Variants in CCDC186 observed in about 807,000 individuals in gnomAD.
CCDC186 encodes the protein coiled-coil domain-containing protein 186.
A neutral mutation model predicts 113.7 loss-of-function variants in CCDC186; 49 were observed. The observed-to-expected ratio is 0.43, with a 90% CI of 0.34 to 0.55. The LOEUF (loss-of-function observed/expected upper bound fraction) is 0.55. CCDC186 is among the 20% of genes least tolerant of loss of function. The pLI is 0.02. For missense variants in CCDC186, 890 were observed against 1,011.1 expected (o/e 0.88, Z 1.62); for synonymous variants, 355 against 345.8 (o/e 1.03, Z -0.30).
chr10:114,131,012 T>C (rs2031069182), intron 12 of CCDC186, 135 bp downstream of exon 12: 2 of 669,250 alleles, frequency 3.0e-6, no homozygotes, highest in Non-Finnish European at 4.5e-6. Context: ...TCCAAGAAGT[T>C]TAACAATTTG....
rs2031293198 is a variant in CCDC186 at position 114,137,218 on chromosome 10, T to A, written c.1294A>T (p.Lys432Ter). The A allele has an allele frequency of 6.2e-7, 1 of 1,613,592 alleles. No homozygotes were observed. Among genetic ancestry groups the A allele is most frequent in the Non-Finnish European group, 8.5e-7 (1 of 1,179,846 alleles). ...QAKEEADQIR[K>*]NCQDMIKTYQ... ...GTTTTTATCATATCCTGACAGTTTT[T>A]TCGTATCTGATCTGCTTCTTCCTTT... Residue 432 changes from lysine to a stop codon, truncating the protein, a stop_gained, in exon 7 of 16, where the codon AAA (lysine) becomes TAA (stop). Coordinates refer to ENST00000369287, the MANE Select transcript of CCDC186 (RefSeq NM_018017.4). LOFTEE classifies it high-confidence loss of function.
At position 114,124,024 on chromosome 10, in the gene CCDC186, T is replaced by C. The variant is rs891853868; in HGVS notation, c.*1119A>G. 4 of 152,198 alleles carry C rather than the reference T, an allele frequency of 2.6e-5. No homozygotes were observed. The highest frequency in any genetic ancestry group is 9.7e-5 in the African/African-American group (4 of 41,442). 9.4% of individuals were successfully genotyped at this position (152,198 alleles called of 1,614,324 possible). On this transcript the variant is annotated 3_prime_UTR_variant, in exon 16 of 16. Transcript: ENST00000369287. ...ACCATGCCTGGATAATCTTTTAAAA[T>C]TTCTTTGTAGAGATGGGGGTCTCGC...
rs2030773078 is a variant in CCDC186 at position 114,122,877 on chromosome 10, A to G, written c.*2266T>C. 1 of 152,178 alleles carries G rather than the reference A, an allele frequency of 6.6e-6. No individual in the cohort carries two copies. The highest frequency in any genetic ancestry group is 6.5e-5 in the Admixed American group (1 of 15,274). The allele number at this position is 152,178 out of a possible 1,614,324, so 9.4% of individuals were successfully genotyped here. A position where few individuals can be genotyped will look rare whatever the true frequency, so the allele number is the denominator to read the frequency against. On this transcript the variant is annotated 3_prime_UTR_variant, in exon 16 of 16. Transcript: ENST00000369287. ...GCAAAACAGGTAATAGAGTCAAAAT[A>G]TTGTTTGTAATACTTTTCTTCTAAA...
chr10:114,174,173 A>G lies in CCDC186; in HGVS notation c.-220T>C, dbSNP rs2032630192. On this transcript the variant is annotated 5_prime_UTR_variant, in exon 1 of 16. Coordinates refer to ENST00000369287, the MANE Select transcript of CCDC186 (RefSeq NM_018017.4). Reference sequence around the variant, plus strand: ...CCTCACTCAGCGGCCGTTTCCCCAAACCCCTGCGGAGCTGACACATCAACA... The same window carrying G: ...CCTCACTCAGCGGCCGTTTCCCCAAGCCCCTGCGGAGCTGACACATCAACA... The G allele has an allele frequency of 2.2e-6, 1 of 460,552 alleles. No individual in the cohort carries two copies. Among genetic ancestry groups the G allele is most frequent in the Admixed American group, 2.4e-5 (1 of 41,424 alleles). 28.5% of individuals were successfully genotyped at this position (460,552 alleles called of 1,614,324 possible). A position where few individuals can be genotyped will look rare whatever the true frequency, so the allele number is the denominator to read the frequency against.
At chr10:114,163,369 C>T in intron 1 of CCDC186, 40 bp from the exon 2 acceptor site, 1 of 1,486,222 alleles carries the variant, frequency 6.7e-7, no homozygotes, top group Non-Finnish European at 8.9e-7. Flanking sequence ...CCACTTTAAA[C>T]CAAAACCCCA....
intron 3 of CCDC186, 117 bp downstream of exon 3, chr10:114,157,437 C>T: frequency 1.1e-6 from 1 of 908,292 alleles, no homozygotes; most frequent in Non-Finnish European, 1.6e-6. Flanking sequence ...AGTAATCCGC[C>T]CACCTTGGCC....
intron 8 of CCDC186, 78 bp downstream of exon 8, chr10:114,136,070 G>C: frequency 6.7e-7 from 1 of 1,496,834 alleles, no homozygotes; most frequent in Non-Finnish European, 9.3e-7. Context: ...CTTAAAAGTA[G>C]ATAGCAATAA....
Position 114,157,606 on chromosome 10 carries a change from T to C in CCDC186, c.707A>G (p.Glu236Gly), listed in dbSNP as rs111382951. 6.2e-7 allele frequency: 1 copy of C among 1,611,466 alleles called. No homozygotes were observed. Among genetic ancestry groups the C allele is most frequent in the Admixed American group, 1.7e-5 (1 of 59,656 alleles). Residue 236 changes from glutamate to glycine, a missense_variant, in exon 3 of 16, where the codon GAA becomes GGA. Coordinates refer to ENST00000369287, the MANE Select transcript of CCDC186 (RefSeq NM_018017.4). The part of the protein sequence containing the change: ...ICSEKDNLRE[E>G]LKKRTETEKQ... ...CTCAGTTTCTGTTCTTTTCTTTAGT[T>C]CTTCTCTTAAATTGTCTTTTTCTGA...
At position 114,123,330 on chromosome 10, in the gene CCDC186, T is replaced by C. The variant is rs1340597493; in HGVS notation, c.*1813A>G. ...TTGAACATATATTTTCATTTTGAAG[T>C]GAAAAGATATTTTTTTTGGGATAAC... is the stretch of plus-strand genomic sequence containing the variant. On this transcript the variant is annotated 3_prime_UTR_variant, in exon 16 of 16. Coordinates refer to ENST00000369287, the MANE Select transcript of CCDC186 (RefSeq NM_018017.4). The C allele has an allele frequency of 6.6e-6, 1 of 152,508 alleles. No homozygotes were observed. Among genetic ancestry groups the C allele is most frequent in the African/African-American group, 2.4e-5 (1 of 41,458 alleles). The allele number at this position is 152,508 out of a possible 1,614,324, so 9.4% of individuals were successfully genotyped here. A position where few individuals can be genotyped will look rare whatever the true frequency, so the allele number is the denominator to read the frequency against.
chr10:114,125,120 CT>C lies in CCDC186; in HGVS notation c.*22del. 6.4e-7 allele frequency: 1 copy of C among 1,568,950 alleles called. No homozygotes were observed. Among genetic ancestry groups the C allele is most frequent in the Non-Finnish European group, 8.7e-7 (1 of 1,152,232 alleles). On this transcript the variant is annotated 3_prime_UTR_variant, in exon 16 of 16. Coordinates refer to ENST00000369287, the MANE Select transcript of CCDC186 (RefSeq NM_018017.4). ...ACCTACTCCTGTGTGGCTTTTGTCT[CT>C]TTACTGAGCAAGAGGCTTGTTTTAG...
rs755668372 is a variant in CCDC186 at position 114,163,344 on chromosome 10, C to T, written c.-61-15G>A. 1.1e-5 allele frequency: 17 copies of T among 1,524,292 alleles called. No individual in the cohort carries two copies. In the South Asian group the frequency reaches 2.2e-4, roughly 19 times the overall value. 94.4% of individuals were successfully genotyped at this position (1,524,292 alleles called of 1,614,324 possible). On this transcript the variant is annotated splice_polypyrimidine_tract_variant and intron_variant, in intron 1 of 15. Coordinates refer to ENST00000369287, the MANE Select transcript of CCDC186 (RefSeq NM_018017.4). Reference sequence around the variant, plus strand: ...TCGTTTTACATCTAAGAAATTGAAACATCAAAATTAAAAACCACTTTAAAC... The same window carrying T: ...TCGTTTTACATCTAAGAAATTGAAATATCAAAATTAAAAACCACTTTAAAC...
chr10:114,132,196 A>G lies in CCDC186; in HGVS notation c.1656-12T>C. On this transcript the variant is annotated splice_polypyrimidine_tract_variant and intron_variant, in intron 10 of 15. Transcript: ENST00000369287. ...TTTCTTGCTTACCTCTAAAACACAA[A>G]ATTTATATTTAAGAAAAAATAAACC... 6.6e-7 allele frequency: 1 copy of G among 1,513,180 alleles called. No individual in the cohort carries two copies. The highest frequency in any genetic ancestry group is 8.9e-7 in the Non-Finnish European group (1 of 1,117,876). The allele number at this position is 1,513,180 out of a possible 1,614,324, so 93.7% of individuals were successfully genotyped here. A position where few individuals can be genotyped will look rare whatever the true frequency, so the allele number is the denominator to read the frequency against.
chr10:114,136,157 G>C lies in CCDC186; in HGVS notation c.1416C>G (p.Asp472Glu), dbSNP rs2031254015. The C allele has an allele frequency of 1.2e-6, 2 of 1,611,716 alleles. No homozygotes were observed. The highest frequency in any genetic ancestry group is 1.7e-6 in the Non-Finnish European group (2 of 1,178,690). Reference sequence around the variant, plus strand: ...GAGCAAAACTACTCACCTCTAGCTGGTCAGATTTTTCTTGCATTTGTTTTT... The same window carrying C: ...GAGCAAAACTACTCACCTCTAGCTGCTCAGATTTTTCTTGCATTTGTTTTT... Reference protein sequence around the residue: ...ELEKQMQEKSDQLEMHHAKIK... With the variant: ...ELEKQMQEKSEQLEMHHAKIK... Residue 472 changes from aspartate (D) to glutamate (E), a missense_variant, in exon 8 of 16, where the codon GAC becomes GAG. Coordinates refer to ENST00000369287, the MANE Select transcript of CCDC186 (RefSeq NM_018017.4).
intron 1 of CCDC186, among the ~76,000 whole-genome samples, chr10:114,171,636 T>A (rs886453021): frequency 1.3e-5 from 2 of 152,136 alleles, no homozygotes; most frequent in African/African-American, 2.4e-5. Flanking sequence ...AAAGTTTGGG[T>A]TAATGTTTAA....
At chr10:114,171,545 T>A (rs576408162) in intron 1 of CCDC186, among the ~76,000 whole-genome samples, 27 of 152,258 alleles carry the variant, frequency 1.8e-4, no homozygotes, top group African/African-American at 6.3e-4. Context: ...ATTGAGATCT[T>A]GTCTCAAAAA....
chr10:114,133,519 A>G (rs968687662), intron 10 of CCDC186, among the ~76,000 whole-genome samples: 15 of 152,352 alleles, frequency 9.8e-5, no homozygotes, highest in South Asian at 2.1e-4. Context: ...GGGATCACCC[A>G]AAGTTACAAT....
intron 1 of CCDC186, among the ~76,000 whole-genome samples, chr10:114,169,350 T>C (rs2032429132): frequency 6.6e-6 from 1 of 151,262 alleles, no homozygotes; most frequent in Admixed American, 6.6e-5. Flanking sequence ...GTTCCAGCGA[T>C]TCTCCCGCTC....
At chr10:114,155,605 G>A (rs571977658) in intron 3 of CCDC186, among the ~76,000 whole-genome samples, 4 of 152,194 alleles carry the variant, frequency 2.6e-5, no homozygotes, top group African/African-American at 9.6e-5. Flanking sequence ...AACCTGGGAG[G>A]TAGTGGTTGC....
intron 1 of CCDC186, chr10:114,173,378 G>GT (rs2032576376): frequency 6.3e-6 from 2 of 314,974 alleles, no homozygotes; most frequent in Non-Finnish European, 1.3e-5. Flanking sequence ...ACGTAGAAGG[G>GT]TTTTTGTTTT....
Sources: allele counts gnomAD v4.1 joint callset (sites outside exome capture counted in the v4.1 genomes callset), GRCh38; gene constraint gnomAD v4.1.1; transcripts MANE v1.5; gene names NCBI Gene and HGNC (gene_info 2026-07-23, HGNC 2026-07-21).